PTPRG: variants seen among roughly 807,000 people sequenced by gnomAD.
The protein encoded by PTPRG is receptor-type tyrosine-protein phosphatase gamma.
A neutral mutation model predicts 165.3 loss-of-function variants in PTPRG; 102 were observed. That is an observed-to-expected ratio of 0.62 (90% CI 0.53 to 0.73). PTPRG has a LOEUF of 0.73. Ranked by LOEUF, PTPRG falls within the 30% of genes least tolerant of loss-of-function variation. PTPRG has a pLI of 0.00. For synonymous variants in PTPRG, 675 were observed against 669.5 expected (o/e 1.01, Z -0.13); for missense variants, 1,866 against 1,861.4 (o/e 1.00, Z -0.05).
intron 2 of PTPRG, among the ~76,000 whole-genome samples, chr3:61,819,237 G>A (rs2035884865): frequency 6.6e-6 from 1 of 152,192 alleles, no homozygotes; most frequent in South Asian, 2.1e-4. Flanking sequence ...ATGATTGTGA[G>A]TGTGCCAGAA....
intron 2 of PTPRG, among the ~76,000 whole-genome samples, chr3:61,868,660 T>C (rs1269451509): frequency 6.6e-6 from 1 of 152,230 alleles, no homozygotes. Flanking sequence ...GGTAATTTGT[T>C]ACAGAAAATT....
Position 61,840,933 on chromosome 3 carries a change from C to T in PTPRG, c.190+91951C>T, listed in dbSNP as rs910700481. On this transcript the variant is annotated intron_variant, in intron 2 of 29. Coordinates refer to ENST00000474889, the MANE Select transcript of PTPRG (RefSeq NM_002841.4). ...AGTAGCTGGATCTCCAGGGGCCTGC[C>T]GCTATGCCTGGCTAATTTTTGTATT... Among the ~76,000 whole-genome samples the T allele has an allele frequency of 5.9e-5, 9 of 151,932 alleles. No individual in the cohort carries two copies. The South Asian group carries it at 6.2e-4, about 11-fold the overall frequency.
intron 1 of PTPRG, among the ~76,000 whole-genome samples, chr3:61,693,033 A>G (rs2030322935): frequency 6.6e-6 from 1 of 152,236 alleles, no homozygotes; most frequent in South Asian, 2.1e-4. Flanking sequence ...ATATGAAACT[A>G]AGAACTTTAT....
intron 4 of PTPRG, among the ~76,000 whole-genome samples, chr3:62,042,471 C>T (rs1352528719): frequency 2.0e-5 from 3 of 152,194 alleles, no homozygotes; most frequent in Non-Finnish European, 4.4e-5. Flanking sequence ...TATTACTCAT[C>T]TCTGATTCCA....
chr3:61,744,163 T>C (rs2033106350), intron 1 of PTPRG, among the ~76,000 whole-genome samples: 1 of 152,242 alleles, frequency 6.6e-6, no homozygotes, highest in South Asian at 2.1e-4. Flanking sequence ...ATTAAGTTGC[T>C]TAATATACTC....
At chr3:62,085,340 C>T (rs1280917552) in intron 5 of PTPRG, among the ~76,000 whole-genome samples, 3 of 151,864 alleles carry the variant, frequency 2.0e-5, no homozygotes, top group South Asian at 2.1e-4. Flanking sequence ...GACTGTGTAA[C>T]GATTCATTGA....
chr3:61,583,098 A>C (rs1700343240), intron 1 of PTPRG, among the ~76,000 whole-genome samples: 2 of 152,200 alleles, frequency 1.3e-5, no homozygotes, highest in African/African-American at 4.8e-5. Context: ...TGAATCATGC[A>C]TGTCTGGGAC....
chr3:61,563,165 TTTCGGCG>T, intron 1 of PTPRG, among the ~76,000 whole-genome samples: 1 of 149,470 alleles, frequency 6.7e-6, no homozygotes, highest in Non-Finnish European at 1.5e-5. Context: ...GCCGGGGCGG[TTTCGGCG>T]GCCGGGTTGC....
In PTPRG at chr3:61,562,315, T is replaced by G. The variant is rs1699777382; in HGVS notation, c.28T>G (p.Trp10Gly). ...GCGGAGGTTACTGGAACCGTGTTGG[T>G]GGATTTTGTTCCTGAAAATCACCAG... MRRLLEPCW[W>G]ILFLKITSSV... Residue 10 changes from tryptophan (W) to glycine (G), a missense_variant, in exon 1 of 30, where the codon TGG becomes GGG. Trp to Gly is a radical substitution (Grantham distance 184, BLOSUM62 -2). Transcript: ENST00000474889. The G allele has an allele frequency of 6.2e-7, 1 of 1,613,692 alleles. No homozygotes were observed.
chr3:61,833,351 C>T (rs1043343738), intron 2 of PTPRG, among the ~76,000 whole-genome samples: 1 of 152,156 alleles, frequency 6.6e-6, no homozygotes, highest in East Asian at 1.9e-4. Context: ...TGCTTAAAAA[C>T]GTGCAGAAGA....
intron 6 of PTPRG, among the ~76,000 whole-genome samples, chr3:62,144,599 G>A (rs986355380): frequency 1.3e-5 from 2 of 152,154 alleles, no homozygotes; most frequent in African/African-American, 4.8e-5. Flanking sequence ...GCAGCACCCT[G>A]ATCTTGGCTA....
At chr3:62,003,664 G>A (rs1344682081) in intron 4 of PTPRG, among the ~76,000 whole-genome samples, 167 bp downstream of exon 4, 1 of 152,102 alleles carries the variant, frequency 6.6e-6, no homozygotes, top group African/African-American at 2.4e-5. Context: ...ATCCATCCTT[G>A]TTTCTCACCT....
chr3:61,830,566 GTTTTTTTT>G lies in PTPRG; in HGVS notation c.190+81601_190+81608del, dbSNP rs57644199. Among the ~76,000 whole-genome samples, 93 of 86,526 alleles carry G rather than the reference GTTTTTTTT, an allele frequency of 1.1e-3. 1 individual carries two copies. Among genetic ancestry groups the G allele is most frequent in the African/African-American group, 3.8e-3 (92 of 24,148 alleles). 56.8% of individuals were successfully genotyped at this position (86,526 alleles called of 152,430 possible). A position where few individuals can be genotyped will look rare whatever the true frequency, so the allele number is the denominator to read the frequency against. On this transcript the variant is annotated intron_variant, in intron 2 of 29. Coordinates refer to ENST00000474889, the MANE Select transcript of PTPRG (RefSeq NM_002841.4). ...ACTGGTGATGGTTCTTTTTGTTTTT[GTTTTTTTT>G]TTTTTTTTTTTTTTTTGGAGATGGA...
At chr3:61,642,630 C>G (rs1163415185) in intron 1 of PTPRG, among the ~76,000 whole-genome samples, 1 of 152,160 alleles carries the variant, frequency 6.6e-6, no homozygotes, top group Admixed American at 6.5e-5. Context: ...GTTTGTCTAT[C>G]TACACTCTTT....
rs1285414689 is a variant in PTPRG at position 62,228,904 on chromosome 3, T to G, written c.2289-2321T>G. 6.6e-6 allele frequency among the ~76,000 whole-genome samples: 1 copy of G among 152,272 alleles called. No individual in the cohort carries two copies. Among genetic ancestry groups the G allele is most frequent in the Admixed American group, 6.5e-5 (1 of 15,292 alleles). On this transcript the variant is annotated intron_variant, in intron 13 of 29. Coordinates refer to ENST00000474889, the MANE Select transcript of PTPRG (RefSeq NM_002841.4). The surrounding 1 kb of genome is among the most constrained non-coding windows in gnomAD (Gnocchi z 4.1). ...CCATCTTTTCTACCAACAGACCATT[T>G]ACTGGACCACAGGTATTCTGGCATC...
At chr3:61,855,523 C>A (rs1283518063) in intron 2 of PTPRG, among the ~76,000 whole-genome samples, 1 of 151,290 alleles carries the variant, frequency 6.6e-6, no homozygotes, top group Non-Finnish European at 1.5e-5. Flanking sequence ...TTTGGTCTTC[C>A]ATGTAAAACT....
chr3:61,940,235 C>A (rs1444431175), intron 2 of PTPRG, among the ~76,000 whole-genome samples: 1 of 152,158 alleles, frequency 6.6e-6, no homozygotes, highest in Non-Finnish European at 1.5e-5. Flanking sequence ...CAGGCGTGAG[C>A]CACCGTGCCC....
rs34010935 is a variant in PTPRG at position 61,742,403 on chromosome 3, A to ATTTTT, written c.86-6459_86-6455dup. 6.6e-4 allele frequency: 487 copies of ATTTTT among 734,342 alleles called. 21 individuals carry two copies. Among genetic ancestry groups the ATTTTT allele is most frequent in the South Asian group, 1.1e-3 (46 of 41,378 alleles). The allele number at this position is 734,342 out of a possible 1,614,324, so 45.5% of individuals were successfully genotyped here. Reference sequence around the variant, plus strand: ...AAGAAATTGGGCCTTTGGGTCTGGAATTTTTTTTTTTTTTTTTTTTGAACT... The same window carrying ATTTTT: ...AAGAAATTGGGCCTTTGGGTCTGGAATTTTTTTTTTTTTTTTTTTTTTTTTGAACT... On this transcript the variant is annotated intron_variant, in intron 1 of 29. Transcript: ENST00000474889.
intron 5 of PTPRG, among the ~76,000 whole-genome samples, chr3:62,128,556 C>T (rs1703399168): frequency 6.6e-6 from 1 of 151,478 alleles, no homozygotes. Context: ...GTGTTATTGT[C>T]CTTTATTGGA....
Sources: gnomAD v4.1 joint callset for allele counts (sites outside exome capture counted in the v4.1 genomes callset) on GRCh38, gnomAD v4.1.1 for gene constraint, Gnocchi (gnomAD v3.1) non-coding constraint, MANE v1.5 for transcripts, NCBI Gene and HGNC (gene_info 2026-07-23, HGNC 2026-07-21) for gene names.